The following SCN1A variants were observed in gnomAD, a reference collection of about 807,000 sequenced individuals.
The protein encoded by SCN1A is sodium voltage-gated channel alpha subunit 1, also known as sodium channel protein type 1 subunit alpha.
In SCN1A, 13 loss-of-function variants were observed where a neutral mutation model predicts 193.7. The observed-to-expected ratio is 0.07, with a 90% CI of 0.04 to 0.11. The LOEUF (loss-of-function observed/expected upper bound fraction) is 0.11. SCN1A is among the 10% of genes least tolerant of loss of function. SCN1A has a pLI of 1.00. For missense variants in SCN1A, 1,432 were observed against 2,451.1 expected, an observed-to-expected ratio of 0.58 and a Z score of 8.78; for synonymous variants, 781 against 843.6, an observed-to-expected ratio of 0.93 and a Z score of 1.29.
At chr2:166,022,234 A>G (rs940330788) in intron 19 of SCN1A, among the ~76,000 whole-genome samples, 1 of 152,158 alleles carries the variant, frequency 6.6e-6, no homozygotes, top group African/African-American at 2.4e-5. Context: ...TAGTATCATG[A>G]ATTTCAGTGG....
intron 2 of SCN1A, among the ~76,000 whole-genome samples, chr2:166,121,753 C>A (rs1418264336): frequency 1.3e-5 from 2 of 152,128 alleles, no homozygotes; most frequent in Non-Finnish European, 2.9e-5. Context: ...TTTTAGTAGT[C>A]ATAAGTATTG....
chr2:166,061,752 A>G (rs1036560240), intron 4 of SCN1A, among the ~76,000 whole-genome samples: 13 of 152,194 alleles, frequency 8.5e-5, no homozygotes, highest in Admixed American at 1.3e-4. Context: ...AAGTAAGATG[A>G]GTTTAATGAA....
intron 1 of SCN1A, chr2:166,134,041 A>T (rs937612669): frequency 2.0e-5 from 3 of 152,212 alleles, no homozygotes. Flanking sequence ...TCCGTAATAG[A>T]CTTCCAACAA....
At position 166,066,604 on chromosome 2, in the gene SCN1A, T is replaced by G. The variant is rs929648192; in HGVS notation, c.264+6754A>C. Among the ~76,000 whole-genome samples the G allele has an allele frequency of 2.6e-5, 4 of 152,284 alleles. 1 individual carries two copies. Among genetic ancestry groups the G allele is most frequent in the South Asian group, 4.2e-4 (2 of 4,810 alleles). ...TCTGTTTCTCCAAAGCATGGCCAAT[T>G]TTAGTATTGGAATTTTCAGGTTCAG... On this transcript the variant is annotated intron_variant, in intron 4 of 28. Coordinates refer to ENST00000674923, the MANE Select transcript of SCN1A (RefSeq NM_001165963.4).
chr2:166,082,672 ATGTTT>A (rs1202696689), intron 2 of SCN1A, among the ~76,000 whole-genome samples: 1 of 152,060 alleles, frequency 6.6e-6, no homozygotes, highest in Non-Finnish European at 1.5e-5. Context: ...TACTTCCGTT[ATGTTT>A]TATGTATTGC....
chr2:166,087,964 T>A (rs1274534705), intron 2 of SCN1A, among the ~76,000 whole-genome samples: 1 of 152,190 alleles, frequency 6.6e-6, no homozygotes, highest in Non-Finnish European at 1.5e-5. Flanking sequence ...GATTCATTTT[T>A]TTAAGTCCCA....
At chr2:166,015,996 C>T in intron 19 of SCN1A, 1 of 406,280 alleles carries the variant, frequency 2.5e-6, no homozygotes, top group Non-Finnish European at 4.6e-6. Flanking sequence ...GAGCAAAACA[C>T]TGCCTTGTGG....
chr2:166,121,800 C>T (rs1385539388), intron 2 of SCN1A, among the ~76,000 whole-genome samples: 1 of 152,114 alleles, frequency 6.6e-6, no homozygotes, highest in African/African-American at 2.4e-5. Flanking sequence ...TGTATCCTCC[C>T]CAAATCCATA....
At chr2:166,107,376 T>G (rs1688809210) in intron 2 of SCN1A, among the ~76,000 whole-genome samples, 1 of 152,128 alleles carries the variant, frequency 6.6e-6, no homozygotes, top group Admixed American at 6.5e-5. Flanking sequence ...CACACAATAG[T>G]TGCTGAATTA....
At chr2:166,031,621 A>G (rs1187555002) in intron 19 of SCN1A, among the ~76,000 whole-genome samples, 1 of 152,190 alleles carries the variant, frequency 6.6e-6, no homozygotes, top group Non-Finnish European at 1.5e-5. Flanking sequence ...AAGGCAAACA[A>G]CAAAAAAAGA....
In SCN1A at chr2:166,090,029, CTTTTTTTTTTTTTTT is replaced by C. The variant is rs545740675; in HGVS notation, c.-141-12243_-141-12229del. Among the ~76,000 whole-genome samples the C allele has an allele frequency of 1.4e-4, 10 of 71,420 alleles. 1 individual carries two copies. Among genetic ancestry groups the C allele is most frequent in the Non-Finnish European group, 2.1e-4 (8 of 37,852 alleles). The allele number at this position is 71,420 out of a possible 152,430, so 46.9% of individuals were successfully genotyped here. A position where few individuals can be genotyped will look rare whatever the true frequency, so the allele number is the denominator to read the frequency against. ...TCTTCCTTCCTTCCTTCCTTCTTTC[CTTTTTTTTTTTTTTT>C]TTTTTTTTTTTTTGATATAGGGTAT... On this transcript the variant is annotated intron_variant, in intron 2 of 28. Coordinates refer to ENST00000674923, the MANE Select transcript of SCN1A (RefSeq NM_001165963.4).
rs533529533 is a variant in SCN1A, at chr2:166,028,336, T to G, written c.3429+7712A>C. Among the ~76,000 whole-genome samples the G allele has an allele frequency of 1.2e-4, 18 of 152,232 alleles. No individual in the cohort carries two copies. The East Asian group carries it at 2.9e-3, about 25-fold the overall frequency. On this transcript the variant is annotated intron_variant, in intron 19 of 28. Transcript: ENST00000674923. Reference sequence around the variant, plus strand: ...CCAAAATGCAAATCAAATGAGTAATTTTCATTGTTAAATTCATTTTGCCAA... The same window carrying G: ...CCAAAATGCAAATCAAATGAGTAATGTTCATTGTTAAATTCATTTTGCCAA...
At chr2:166,137,236 A>G (rs1297862922) in intron 1 of SCN1A, among the ~76,000 whole-genome samples, 1 of 152,214 alleles carries the variant, frequency 6.6e-6, no homozygotes, top group African/African-American at 2.4e-5. Context: ...TCTTTGTTTA[A>G]AAAGCAAAAC....
At position 166,025,033 on chromosome 2, in the gene SCN1A, T is replaced by C. The variant is rs535967548; in HGVS notation, c.3430-9306A>G. On this transcript the variant is annotated intron_variant, in intron 19 of 28. Transcript: ENST00000674923. ...TTTACACATAGAAAATCATTTGAGT[T>C]TTCCTAACAAGGATTATTTGCCAAA... Among the ~76,000 whole-genome samples, 4 of 152,360 alleles carry C rather than the reference T, an allele frequency of 2.6e-5. No individual in the cohort carries two copies. The South Asian group carries it at 8.3e-4, about 32-fold the overall frequency.
intron 2 of SCN1A, among the ~76,000 whole-genome samples, chr2:166,120,629 CAG>C (rs1178834507): frequency 4.7e-5 from 4 of 85,984 alleles, no homozygotes; most frequent in Non-Finnish European, 6.1e-5. Context: ...TTTTTTGAGA[CAG>C]AGTCTTGCTC....
At chr2:166,103,805 A>G (rs1378246690) in intron 2 of SCN1A, among the ~76,000 whole-genome samples, 2 of 152,208 alleles carry the variant, frequency 1.3e-5, no homozygotes, top group African/African-American at 2.4e-5. Context: ...ATTGGTGAAC[A>G]TAACTTTAGA....
chr2:166,041,461 C>T lies in SCN1A; in HGVS notation c.2185G>A (p.Glu729Lys), dbSNP rs748173287. 2.0e-6 allele frequency: 3 copies of T among 1,471,274 alleles called. No homozygotes were observed. The highest frequency in any genetic ancestry group is 9.4e-7 in the Non-Finnish European group (1 of 1,063,186). 91.1% of individuals were successfully genotyped at this position (1,471,274 alleles called of 1,614,324 possible). The stretch of plus-strand genomic sequence containing the variant: ...CAGGGTGGGCATTTCTGCCTGGATT[C>T]TTCAAGTTCTAGATTAAGAAAAAAA... ...ILTNTVEELEESRQKCPPCWY... is the reference protein window; with the variant it reads ...ILTNTVEELEKSRQKCPPCWY... The change falls in exon 16 of 29, where the codon GAA (glutamate) becomes AAA (lysine). Residue 729 changes from glutamate to lysine, a missense_variant. Transcript: ENST00000674923.
intron 7 of SCN1A, among the ~76,000 whole-genome samples, chr2:166,053,314 T>C (rs1698797794): frequency 6.6e-6 from 1 of 152,048 alleles, no homozygotes; most frequent in Non-Finnish European, 1.5e-5. Flanking sequence ...GTAAACTTCA[T>C]AAAGTAGACA....
chr2:166,128,548 G>A (rs1271597101), upstream of SCN1A, among the ~76,000 whole-genome samples: 3 of 152,122 alleles, frequency 2.0e-5, no homozygotes, highest in African/African-American at 7.2e-5. Context: ...CAAAATGTGA[G>A]TTTTACTTCA....
Sources: gnomAD v4.1 joint callset for allele counts (sites outside exome capture counted in the v4.1 genomes callset) on GRCh38, gnomAD v4.1.1 for gene constraint, MANE v1.5 for transcripts, NCBI Gene and HGNC (gene_info 2026-07-23, HGNC 2026-07-21) for gene names.